Variants in KIAA2012 observed in about 807,000 individuals in gnomAD.
KIAA2012 encodes uncharacterized protein KIAA2012.
KIAA2012 carries 125 observed loss-of-function variants against 150.6 expected under a neutral mutation model. That is an observed-to-expected ratio of 0.83 (90% confidence interval 0.72 to 0.96). The LOEUF (loss-of-function observed/expected upper bound fraction) is 0.96. Ranked by LOEUF, KIAA2012 falls within the 40% of genes least tolerant of loss-of-function variation. The pLI is 0.00. For missense variants in KIAA2012, 1,219 were observed against 1,354.9 expected (o/e 0.90, Z 1.57); for synonymous variants, 462 against 504.7 (o/e 0.92, Z 1.13).
chr2:202,115,863 A>G (rs1690506490), intron 11 of KIAA2012: 1 of 151,958 alleles, frequency 6.6e-6, no homozygotes, highest in Non-Finnish European at 1.5e-5. Context: ...CAATTAGATC[A>G]TGGTATCTTC....
At chr2:202,114,462 T>C (rs1226672891) in intron 11 of KIAA2012, 1 of 167,242 alleles carries the variant, frequency 6.0e-6, no homozygotes, top group Non-Finnish European at 1.5e-5. Flanking sequence ...GTTAGACAGG[T>C]GGAGGCCACT....
At chr2:202,103,793 G>T (rs764505639) in intron 8 of KIAA2012, among the ~76,000 whole-genome samples, 1 of 152,328 alleles carries the variant, frequency 6.6e-6, no homozygotes, top group East Asian at 1.9e-4. Context: ...AACTGGCGAC[G>T]TGGGCTTTTT....
chr2:202,169,593 C>G (rs773084745), intron 15 of KIAA2012, among the ~76,000 whole-genome samples: 6 of 152,130 alleles, frequency 3.9e-5, no homozygotes, highest in Non-Finnish European at 8.8e-5. Context: ...GGCTAGTGTA[C>G]CAAGTCGTTT....
rs746131430 is a variant in KIAA2012 at position 202,093,160 on chromosome 2, T to TCAA, written c.664_666dup (p.Gln222dup). The TCAA allele has an allele frequency of 6.4e-7, 1 of 1,551,246 alleles. No individual in the cohort carries two copies. The highest frequency in any genetic ancestry group is 1.2e-5 in the South Asian group (1 of 84,056). On this transcript the variant is annotated inframe_insertion, in exon 4 of 24. Coordinates refer to ENST00000498697, the MANE Select transcript of KIAA2012 (RefSeq NM_001277372.4). ...TGCCTGTCTTCCCTTCATTTTGGAT[T>TCAA]CAACAAGGAAAATCTTTTGAACAAC...
At chr2:202,164,866 C>G (rs1691726229) in intron 14 of KIAA2012, among the ~76,000 whole-genome samples, 1 of 152,154 alleles carries the variant, frequency 6.6e-6, no homozygotes, top group Non-Finnish European at 1.5e-5. Context: ...GATAAGACCC[C>G]ATGAAAATAA....
intron 23 of KIAA2012, among the ~76,000 whole-genome samples, chr2:202,203,735 C>G (rs981965535): frequency 7.2e-5 from 11 of 152,014 alleles, no homozygotes; most frequent in Non-Finnish European, 1.6e-4. Flanking sequence ...CAAAAATTTC[C>G]CCAGTTGAAA....
intron 11 of KIAA2012, among the ~76,000 whole-genome samples, chr2:202,119,013 G>A (rs1429825756): frequency 2.0e-5 from 3 of 152,144 alleles, no homozygotes; most frequent in Non-Finnish European, 2.9e-5. Flanking sequence ...ATAATAGCTT[G>A]CGGCCAGGCG....
At chr2:202,084,076 A>C (rs1458790660) in intron 2 of KIAA2012, among the ~76,000 whole-genome samples, 1 of 152,070 alleles carries the variant, frequency 6.6e-6, no homozygotes, top group Non-Finnish European at 1.5e-5. Context: ...CCCTGCTGGA[A>C]ATATACCTGG....
chr2:202,194,630 G>A (rs895084615), intron 21 of KIAA2012, among the ~76,000 whole-genome samples: 2 of 49,474 alleles, frequency 4.0e-5, no homozygotes, highest in African/African-American at 8.2e-5. Context: ...TGGAGACACA[G>A]CCCTACTCTT....
At chr2:202,148,407 A>T (rs541181872) in intron 13 of KIAA2012, among the ~76,000 whole-genome samples, 2 of 152,170 alleles carry the variant, frequency 1.3e-5, no homozygotes, top group Admixed American at 1.3e-4. Context: ...AATTCCTGAC[A>T]GGCGGAGAAC....
At chr2:202,178,406 T>C (rs2105735215) in intron 15 of KIAA2012, among the ~76,000 whole-genome samples, 1 of 152,260 alleles carries the variant, frequency 6.6e-6, no homozygotes, top group Admixed American at 6.5e-5. Flanking sequence ...AAATATCAGG[T>C]TATTTTACTA....
chr2:202,140,370 T>C (rs1458877291), intron 13 of KIAA2012, among the ~76,000 whole-genome samples: 2 of 152,196 alleles, frequency 1.3e-5, no homozygotes, highest in East Asian at 3.9e-4. Flanking sequence ...GAAAGTCAGC[T>C]CCCTGAGAAG....
At chr2:202,186,794 G>A in intron 16 of KIAA2012, 139 bp from the exon 17 acceptor site, 2 of 737,098 alleles carry the variant, frequency 2.7e-6, no homozygotes, top group African/African-American at 1.8e-5. Flanking sequence ...ATGTGCAGAA[G>A]AAAAAGAGTT....
chr2:202,159,968 G>A (rs962611224), intron 14 of KIAA2012, among the ~76,000 whole-genome samples: 1 of 152,196 alleles, frequency 6.6e-6, no homozygotes, highest in Non-Finnish European at 1.5e-5. Flanking sequence ...AGGGAGAAAG[G>A]AACATTCACT....
rs1038700698 is a variant in KIAA2012 at position 202,119,141 on chromosome 2, G to A, written c.1762+5695G>A. ...ACAAAAATTAGCCAGGCATGATGGC[G>A]GGTGCCTGTAATCCCAGCTACTCGG... On this transcript the variant is annotated intron_variant, in intron 11 of 23. Transcript: ENST00000498697. Among the ~76,000 whole-genome samples the A allele has an allele frequency of 3.3e-5, 5 of 152,052 alleles. No homozygotes were observed. In the South Asian group the frequency reaches 8.3e-4, roughly 25 times the overall value.
intron 2 of KIAA2012, among the ~76,000 whole-genome samples, chr2:202,082,611 G>A (rs199828105): frequency 0.038 from 253 of 6,600 alleles, no homozygotes; most frequent in African/African-American, 0.1. Context: ...AAAAAAAAAA[G>A]AAGTTTTTAA....
intron 14 of KIAA2012, among the ~76,000 whole-genome samples, chr2:202,161,513 A>C (rs1691656636): frequency 6.6e-6 from 1 of 151,994 alleles, no homozygotes; most frequent in Non-Finnish European, 1.5e-5. Context: ...TCTAATTTAC[A>C]CTGTCCACAC....
intron 15 of KIAA2012, among the ~76,000 whole-genome samples, chr2:202,184,240 C>T (rs1692180029): frequency 6.6e-6 from 1 of 151,902 alleles, no homozygotes; most frequent in Non-Finnish European, 1.5e-5. Context: ...AAAAATTAGT[C>T]GGGTGTGGTG....
At chr2:202,095,622 A>G (rs1415885227) in intron 4 of KIAA2012, among the ~76,000 whole-genome samples, 6 of 152,228 alleles carry the variant, frequency 3.9e-5, no homozygotes, top group African/African-American at 1.2e-4. Flanking sequence ...TCTATTAAGC[A>G]CAAATAAATG....
Sources: allele counts gnomAD v4.1 joint callset (sites outside exome capture counted in the v4.1 genomes callset), GRCh38; gene constraint gnomAD v4.1.1; transcripts MANE v1.5; gene names NCBI Gene and HGNC (gene_info 2026-07-23, HGNC 2026-07-21).